The following CCAR1 variants were observed in gnomAD, a reference collection of about 807,000 sequenced individuals.
CCAR1 encodes the protein cell division cycle and apoptosis regulator protein 1.
A neutral mutation model predicts 163.8 loss-of-function variants in CCAR1; 78 were observed. The observed-to-expected ratio is 0.48, with a 90% confidence interval of 0.40 to 0.57. The LOEUF (loss-of-function observed/expected upper bound fraction) is 0.57. CCAR1 is among the 20% of genes least tolerant of loss of function. The pLI, the probability that CCAR1 is intolerant of heterozygous loss-of-function variation, is 0.00. For missense variants in CCAR1, 1,019 were observed against 1,365.2 expected (o/e 0.75, Z 4.00); for synonymous variants, 443 against 460.7 (o/e 0.96, Z 0.49).
chr10:68,766,843 C>T (rs1364480740), intron 17 of CCAR1, among the ~76,000 whole-genome samples: 3 of 152,018 alleles, frequency 2.0e-5, no homozygotes, highest in Non-Finnish European at 4.4e-5. Context: ...CTTTTCATTG[C>T]TTGTTTTTTT....
chr10:68,756,766 G>T lies in CCAR1; in HGVS notation c.1836+283G>T. ...CATAGGTCTAGTTGCTGGAATCTGG[G>T]ACCAGTTGTTGAACAAGATTCAGTA... is the stretch of plus-strand genomic sequence containing the variant. On this transcript the variant is annotated intron_variant, in intron 14 of 24. Coordinates refer to ENST00000265872, the MANE Select transcript of CCAR1 (RefSeq NM_018237.4). This position sits in a 1 kb window ranked among gnomAD's most constrained non-coding sequence, Gnocchi z 5.1. 1 of 459,492 alleles carries T rather than the reference G, an allele frequency of 2.2e-6. No homozygotes were observed. The highest frequency in any genetic ancestry group is 4.0e-6 in the Non-Finnish European group (1 of 250,378). The allele number at this position is 459,492 out of a possible 1,614,324, so 28.5% of individuals were successfully genotyped here. A position where few individuals can be genotyped will look rare whatever the true frequency, so the allele number is the denominator to read the frequency against.
At chr10:68,722,306 A>C (rs139526235) in intron 1 of CCAR1, 149 bp from the exon 2 acceptor site, 2 of 552,576 alleles carry the variant, frequency 3.6e-6, no homozygotes, top group South Asian at 2.1e-5. Context: ...TTGGATGTTC[A>C]TTTGCCCTTT....
chr10:68,732,669 T>G (rs1427079634), intron 2 of CCAR1, among the ~76,000 whole-genome samples: 1 of 152,194 alleles, frequency 6.6e-6, no homozygotes, highest in African/African-American at 2.4e-5. Context: ...TTCTTAACCT[T>G]TCTAGGGCCT....
Position 68,729,235 on chromosome 10 carries a change from G to T in CCAR1, c.73+6658G>T, listed in dbSNP as rs139941109. 2.2e-3 allele frequency among the ~76,000 whole-genome samples: 326 copies of T among 151,546 alleles called. 1 individual carries two copies. The highest frequency in any genetic ancestry group is 7.5e-3 in the African/African-American group (311 of 41,352). On this transcript the variant is annotated intron_variant, in intron 2 of 24. Coordinates refer to ENST00000265872, the MANE Select transcript of CCAR1 (RefSeq NM_018237.4). Reference sequence around the variant, plus strand: ...TTAAAGTATTATTTTGTAGCCAGGCGTGGTGACTTACTCTTTTTTGTTTTT... The same window carrying T: ...TTAAAGTATTATTTTGTAGCCAGGCTTGGTGACTTACTCTTTTTTGTTTTT...
rs752752884 is a variant in CCAR1 at position 68,757,393 on chromosome 10, A to G, written c.1920+16A>G. Reference sequence around the variant, plus strand: ...GACAATGAAGGTAACTTTGATAAGGATGGATTTTATTTATTTTTTTCAATT... The same window carrying G: ...GACAATGAAGGTAACTTTGATAAGGGTGGATTTTATTTATTTTTTTCAATT... On this transcript the variant is annotated intron_variant, in intron 15 of 24. Coordinates refer to ENST00000265872, the MANE Select transcript of CCAR1 (RefSeq NM_018237.4). 7.5e-7 allele frequency: 1 copy of G among 1,339,262 alleles called. No individual in the cohort carries two copies. Among genetic ancestry groups the G allele is most frequent in the Admixed American group, 1.8e-5 (1 of 54,502 alleles). The allele number at this position is 1,339,262 out of a possible 1,614,324, so 83.0% of individuals were successfully genotyped here.
intron 2 of CCAR1, among the ~76,000 whole-genome samples, chr10:68,725,139 T>C (rs548771177): frequency 1.7e-3 from 248 of 148,940 alleles, no homozygotes; most frequent in Non-Finnish European, 2.9e-3. Flanking sequence ...AAACTCCGTC[T>C]CAAAAAAAAA....
At chr10:68,751,653 A>T (rs539750254) in intron 10 of CCAR1, among the ~76,000 whole-genome samples, 1 of 151,912 alleles carries the variant, frequency 6.6e-6, no homozygotes, top group Admixed American at 6.5e-5. Context: ...ACTTGAGGTC[A>T]GGAGTTCAAG....
Position 68,771,020 on chromosome 10 carries a change from G to GT in CCAR1, c.2299-185dup, listed in dbSNP as rs1430299890. ...GTGAACCCGGGAGGTGGAGCTTGCTGTGAGCCAAGATCGTGCCGCTGCACT... is the reference window on the plus strand; with the variant it reads ...GTGAACCCGGGAGGTGGAGCTTGCTGTTGAGCCAAGATCGTGCCGCTGCACT... On this transcript the variant is annotated intron_variant, in intron 17 of 24. Transcript: ENST00000265872. Among the ~76,000 whole-genome samples the GT allele has an allele frequency of 1.2e-4, 19 of 152,240 alleles. No homozygotes were observed. The South Asian group carries it at 3.9e-3, about 32-fold the overall frequency.
At chr10:68,743,200 C>CTTTTTT (rs567782298) in intron 6 of CCAR1, among the ~76,000 whole-genome samples, 14 of 132,780 alleles carry the variant, frequency 1.1e-4, no homozygotes, top group South Asian at 2.4e-4. Context: ...TTTTCTTTTT[C>CTTTTTT]TTTTTTTTTT....
At chr10:68,769,794 A>G (rs1419459715) in intron 17 of CCAR1, among the ~76,000 whole-genome samples, 1 of 150,438 alleles carries the variant, frequency 6.6e-6, no homozygotes, top group African/African-American at 2.5e-5. Context: ...AAAAAAAATT[A>G]GCCAGGCGTG....
intron 24 of CCAR1, among the ~76,000 whole-genome samples, chr10:68,790,585 G>C (rs1454891790): frequency 6.6e-6 from 1 of 151,916 alleles, no homozygotes; most frequent in Admixed American, 6.6e-5. Flanking sequence ...TGGTTTGTTA[G>C]TGGCGCTATC....
intron 2 of CCAR1, among the ~76,000 whole-genome samples, chr10:68,725,906 A>G (rs2055936930): frequency 6.6e-6 from 1 of 151,906 alleles, no homozygotes; most frequent in Non-Finnish European, 1.5e-5. Flanking sequence ...AGTTGCATCC[A>G]GGAGTCCAAG....
chr10:68,779,881 G>A (rs2056714656), intron 19 of CCAR1, among the ~76,000 whole-genome samples: 1 of 152,144 alleles, frequency 6.6e-6, no homozygotes, highest in African/African-American at 2.4e-5. Flanking sequence ...GAAGTGTAGT[G>A]ACATGGAAAA....
intron 15 of CCAR1, chr10:68,760,789 G>A (rs1262997362): frequency 4.1e-5 from 12 of 295,490 alleles, no homozygotes; most frequent in Non-Finnish European, 7.5e-5. Context: ...GCTTGAACCT[G>A]GGAGGCAGAG....
At chr10:68,725,261 C>T (rs533961409) in intron 2 of CCAR1, among the ~76,000 whole-genome samples, 2 of 152,110 alleles carry the variant, frequency 1.3e-5, no homozygotes, top group Non-Finnish European at 2.9e-5. Context: ...GTCGGGAGTT[C>T]GAGACCAGCT....
chr10:68,773,109 A>G lies in CCAR1; in HGVS notation c.2650+10A>G. On this transcript the variant is annotated intron_variant, in intron 19 of 24. Transcript: ENST00000265872. Reference sequence around the variant, plus strand: ...GAGGATGAAGAAGATGGTATGATTGAAATTTATTTATTACTTCTTAGAGTT... The same window carrying G: ...GAGGATGAAGAAGATGGTATGATTGGAATTTATTTATTACTTCTTAGAGTT... The G allele has an allele frequency of 7.7e-7, 1 of 1,297,234 alleles. No homozygotes were observed. The highest frequency in any genetic ancestry group is 1.3e-5 in the South Asian group (1 of 75,806). 80.4% of individuals were successfully genotyped at this position (1,297,234 alleles called of 1,614,324 possible).
chr10:68,757,897 C>T (rs867851191), intron 15 of CCAR1, among the ~76,000 whole-genome samples: 1 of 152,064 alleles, frequency 6.6e-6, no homozygotes, highest in Non-Finnish European at 1.5e-5. Flanking sequence ...CCTGCCACCA[C>T]GCCCGGCTAA....
chr10:68,776,434 C>T (rs889868370), intron 19 of CCAR1, among the ~76,000 whole-genome samples: 1 of 152,032 alleles, frequency 6.6e-6, no homozygotes, highest in South Asian at 2.1e-4. Context: ...GGCGTGGTGG[C>T]GGATGCCTGT....
intron 6 of CCAR1, among the ~76,000 whole-genome samples, chr10:68,743,841 C>T (rs559842772): frequency 3.3e-5 from 5 of 152,278 alleles, no homozygotes; most frequent in African/African-American, 9.6e-5. Context: ...GCCTCCGCCT[C>T]CCAAGTTCAA....
Sources: gnomAD v4.1 joint callset for allele counts (sites outside exome capture counted in the v4.1 genomes callset) on GRCh38, gnomAD v4.1.1 for gene constraint, Gnocchi (gnomAD v3.1) non-coding constraint, MANE v1.5 for transcripts, NCBI Gene and HGNC (gene_info 2026-07-23, HGNC 2026-07-21) for gene names.